Variants in MYO1F observed in about 807,000 individuals in gnomAD.
MYO1F encodes the protein unconventional myosin-If.
In MYO1F, 60 loss-of-function variants were observed where a neutral mutation model predicts 146.6. That is an observed-to-expected ratio of 0.41 (90% CI 0.33 to 0.51). The LOEUF (loss-of-function observed/expected upper bound fraction) is 0.51, where lower values mean the gene tolerates loss of function less well. Among genes scored for constraint, MYO1F ranks in the 20% least tolerant of loss-of-function variants. MYO1F has a pLI of 0.25. For missense variants in MYO1F, 1,274 were observed against 1,534.3 expected (o/e 0.83, Z 2.83); for synonymous variants, 602 against 602.1 (o/e 1.00, Z 0.00).
intron 1 of MYO1F, among the ~76,000 whole-genome samples, chr19:8,561,072 T>C (rs1038912530): frequency 6.6e-6 from 1 of 151,822 alleles, no homozygotes; most frequent in Non-Finnish European, 1.5e-5. Flanking sequence ...CATAGAGACA[T>C]GGTCTTGCTC....
intron 1 of MYO1F, among the ~76,000 whole-genome samples, chr19:8,565,818 G>C (rs1157760375): frequency 9.9e-5 from 15 of 151,906 alleles, no homozygotes; most frequent in Admixed American, 9.9e-4. Context: ...TGGCCGGGTG[G>C]TGGCTCACAC....
At chr19:8,525,883 CTT>C (rs1400619169) in intron 24 of MYO1F, among the ~76,000 whole-genome samples, 2 of 152,208 alleles carry the variant, frequency 1.3e-5, no homozygotes, top group Non-Finnish European at 2.9e-5. Flanking sequence ...CCTTAACAGT[CTT>C]TCTCTCTCTC....
At chr19:8,573,533 C>T (rs2042148960) in intron 1 of MYO1F, among the ~76,000 whole-genome samples, 1 of 152,042 alleles carries the variant, frequency 6.6e-6, no homozygotes, top group African/African-American at 2.4e-5. Flanking sequence ...CCACCACCAC[C>T]ACCACGCTAT....
At chr19:8,525,729 G>GC (rs936955871) in intron 24 of MYO1F, among the ~76,000 whole-genome samples, 167 bp from the exon 25 acceptor site, 19 of 152,070 alleles carry the variant, frequency 1.2e-4, no homozygotes, top group Admixed American at 3.3e-4. Flanking sequence ...AATTGGCCTC[G>GC]CCCCCCAAGG....
rs1030147140 is a variant in MYO1F, at chr19:8,560,436, G to C, written c.4-4640C>G. Among the ~76,000 whole-genome samples, 4 of 151,008 alleles carry C rather than the reference G, an allele frequency of 2.6e-5. No homozygotes were observed. In the South Asian group the frequency reaches 8.3e-4, roughly 32 times the overall value. On this transcript the variant is annotated intron_variant, in intron 1 of 27. Coordinates refer to ENST00000644032, the MANE Select transcript of MYO1F (RefSeq NM_012335.4). Reference sequence around the variant, plus strand: ...GGAGGCAGAGGTTGCAGTGAGCCGAGATTGCACCATTGCACTCCAACCTGG... The same window carrying C: ...GGAGGCAGAGGTTGCAGTGAGCCGACATTGCACCATTGCACTCCAACCTGG...
chr19:8,568,422 CAAAAAAA>C (rs55833513), intron 1 of MYO1F, among the ~76,000 whole-genome samples: 1 of 66,440 alleles, frequency 1.5e-5, no homozygotes, highest in East Asian at 5.2e-4. Flanking sequence ...GACTCCGTCT[CAAAAAAA>C]AAAAAAAAAA....
rs1366965506 is a variant in MYO1F, at chr19:8,522,449, A to G, written c.3148T>C (p.Tyr1050His). Residue 1050 changes from tyrosine (Y) to histidine (H), a missense_variant, in exon 27 of 28, where the codon TAC (tyrosine) becomes CAC (histidine). By Grantham distance (83) the Tyr-to-His change is moderately conservative. Around this residue, in one of 2 missense-constraint regions of MYO1F, gnomAD observed 374 missense variants for 379.2 expected, o/e 0.99. Transcript: ENST00000644032. ...RTHGPRCRAL[Y>H]QYVGQDVDEL... ...TCCACATCTTGGCCCACGTACTGGTATAGGGCCCGGCACCTGGGACCATGT... is the reference window on the plus strand; with the variant it reads ...TCCACATCTTGGCCCACGTACTGGTGTAGGGCCCGGCACCTGGGACCATGT... The G allele has an allele frequency of 6.2e-7, 1 of 1,613,996 alleles. No individual in the cohort carries two copies. Among genetic ancestry groups the G allele is most frequent in the African/African-American group, 1.3e-5 (1 of 74,928 alleles).
rs146544943 is a variant in MYO1F at position 8,574,654 on chromosome 19, C to CT, written c.3+2652dup. Among the ~76,000 whole-genome samples, 908 of 49,842 alleles carry CT rather than the reference C, an allele frequency of 0.018. 41 individuals carry two copies. In the East Asian group the frequency reaches 0.2, roughly 11 times the overall value. The allele number at this position is 49,842 out of a possible 152,430, so 32.7% of individuals were successfully genotyped here. On this transcript the variant is annotated intron_variant, in intron 1 of 27. Transcript: ENST00000644032. Reference sequence around the variant, plus strand: ...CTTTCTTTCTTTCTTTCCTTTCTTTCTCTTTCTTCTTTCTCTCTTTCTTTC... The same window carrying CT: ...CTTTCTTTCTTTCTTTCCTTTCTTTCTTCTTTCTTCTTTCTCTCTTTCTTTC...
chr19:8,562,884 C>A (rs1434993603), intron 1 of MYO1F, among the ~76,000 whole-genome samples: 1 of 152,096 alleles, frequency 6.6e-6, no homozygotes. Context: ...CCGGTGGTGG[C>A]GTTAAAAATG....
intron 1 of MYO1F, among the ~76,000 whole-genome samples, chr19:8,563,998 A>T (rs2041954971): frequency 6.6e-6 from 1 of 152,158 alleles, no homozygotes; most frequent in African/African-American, 2.4e-5. Context: ...AATCACATTG[A>T]TTCTTTTTGA....
chr19:8,554,690 G>A lies in MYO1F; in HGVS notation c.195C>T (p.Tyr65=). Residue 65 remains tyrosine (Y), a synonymous_variant, in exon 3 of 28, where the codon TAC becomes TAT. Transcript: ENST00000644032. Reference sequence around the variant, plus strand: ...AGAGGTCGATCTCACGGTCGGTGAAGTAGGGCATCTGCTTGAAGGGGTTTA... The same window carrying A: ...AGAGGTCGATCTCACGGTCGGTGAAATAGGGCATCTGCTTGAAGGGGTTTA... ...ISVNPFKQMP[Y]FTDREIDLYQ... 1.9e-6 allele frequency: 3 copies of A among 1,614,014 alleles called. No individual in the cohort carries two copies. The highest frequency in any genetic ancestry group is 2.5e-6 in the Non-Finnish European group (3 of 1,180,012).
Position 8,526,602 on chromosome 19 carries a change from CTA to C in MYO1F, c.2622-3_2622-2del. The C allele has an allele frequency of 1.3e-6, 2 of 1,593,422 alleles. No homozygotes were observed. Among genetic ancestry groups the C allele is most frequent in the South Asian group, 2.3e-5 (2 of 87,276 alleles). On this transcript the variant is annotated splice_acceptor_variant and splice_polypyrimidine_tract_variant and intron_variant, in intron 23 of 27. Coordinates refer to ENST00000644032, the MANE Select transcript of MYO1F (RefSeq NM_012335.4). LOFTEE classifies it high-confidence loss of function. ...CTCCTTCTTCACCCGAAACTGTAGT[CTA>C]TGGGGAGAGAAGAAAGCTTGGGGGC...
At chr19:8,562,160 TTTC>T (rs1479009265) in intron 1 of MYO1F, among the ~76,000 whole-genome samples, 1 of 145,402 alleles carries the variant, frequency 6.9e-6, no homozygotes, top group African/African-American at 2.6e-5. Context: ...CGGCTAATTT[TTTC>T]TTTTTTTTTT....
At position 8,552,111 on chromosome 19, in the gene MYO1F, C is replaced by T. The variant is rs184748543; in HGVS notation, c.558G>A (p.Lys186=). The T allele has an allele frequency of 3.7e-3, 5,999 of 1,614,110 alleles. 11 individuals carry two copies. Among genetic ancestry groups the T allele is most frequent in the Non-Finnish European group, 4.3e-3 (5,051 of 1,180,028 alleles). ...FSRGGEPDGG[K]ISNFLLEKSR... ...ACTTCTCCAGCAAGAAGTTGGAGATCTTGCCCCCATCTGGCTCCCCACCTC... is the reference window on the plus strand; with the variant it reads ...ACTTCTCCAGCAAGAAGTTGGAGATTTTGCCCCCATCTGGCTCCCCACCTC... Residue 186 remains lysine (K), a synonymous_variant, in exon 7 of 28, where the codon AAG becomes AAA. Coordinates refer to ENST00000644032, the MANE Select transcript of MYO1F (RefSeq NM_012335.4).
chr19:8,576,708 C>T (rs2042245026), intron 1 of MYO1F: 1 of 161,466 alleles, frequency 6.2e-6, no homozygotes, highest in Admixed American at 6.0e-5. Context: ...CCTCTCCTGC[C>T]TCTGCTGCAG....
chr19:8,541,559 G>A (rs1259976424), intron 15 of MYO1F, among the ~76,000 whole-genome samples: 1 of 151,056 alleles, frequency 6.6e-6, no homozygotes, highest in African/African-American at 2.4e-5. Flanking sequence ...CTCCTGAGTA[G>A]CTGGAATTAC....
chr19:8,534,860 C>T (rs1055761382), intron 19 of MYO1F, among the ~76,000 whole-genome samples: 6 of 151,790 alleles, frequency 4.0e-5, no homozygotes, highest in Non-Finnish European at 5.9e-5. Flanking sequence ...CTCCTGACCT[C>T]GTGATCCACT....
At chr19:8,542,194 G>A (rs1973006872) in intron 14 of MYO1F, among the ~76,000 whole-genome samples, 1 of 151,470 alleles carries the variant, frequency 6.6e-6, no homozygotes, top group South Asian at 2.1e-4. Flanking sequence ...GAGAGCTGAT[G>A]TTCAAGTTGA....
intron 1 of MYO1F, among the ~76,000 whole-genome samples, chr19:8,562,726 G>A (rs373084085): frequency 1.3e-5 from 2 of 151,212 alleles, no homozygotes; most frequent in African/African-American, 4.9e-5. Context: ...TACAGATGGG[G>A]TCTCCCTATG....
Sources: allele counts gnomAD v4.1 joint callset (sites outside exome capture counted in the v4.1 genomes callset), GRCh38; gene constraint gnomAD v4.1.1; regional missense constraint gnomAD v4.1.1; transcripts MANE v1.5; gene names NCBI Gene and HGNC (gene_info 2026-07-23, HGNC 2026-07-21).